SYNE2: variants seen among roughly 807,000 people sequenced by gnomAD.
SYNE2 encodes spectrin repeat containing nuclear envelope protein 2, also known as nesprin-2.
Under a neutral mutation model 856.3 loss-of-function variants are expected in SYNE2, and 431 were observed. That is an observed-to-expected ratio of 0.50 (90% CI 0.47 to 0.55). SYNE2 has a LOEUF of 0.55. Among genes scored for constraint, SYNE2 ranks in the 20% least tolerant of loss-of-function variants. SYNE2 has a pLI of 0.00. For synonymous variants in SYNE2, 2,923 were observed against 2,872.3 expected, an observed-to-expected ratio of 1.02 and a Z score of -0.56; for missense variants, 8,129 against 8,023.2, an observed-to-expected ratio of 1.01 and a Z score of -0.50.
At chr14:63,959,494 C>T (rs770618926) in intron 8 of SYNE2, among the ~76,000 whole-genome samples, 44 of 151,558 alleles carry the variant, frequency 2.9e-4, no homozygotes, top group Non-Finnish European at 5.6e-4. Flanking sequence ...GAGGGGGTTT[C>T]GCCGTGTTGG....
chr14:63,955,166 T>G (rs971274305), intron 8 of SYNE2, among the ~76,000 whole-genome samples: 1 of 152,210 alleles, frequency 6.6e-6, no homozygotes, highest in African/African-American at 2.4e-5. Flanking sequence ...TGTCTTGATT[T>G]TCTTCTATTA....
chr14:63,834,322 CCCTGCCCT>C (rs1377537349), intron 1 of SYNE2, among the ~76,000 whole-genome samples: 5 of 151,854 alleles, frequency 3.3e-5, no homozygotes, highest in African/African-American at 2.4e-5. Flanking sequence ...GAGATTGTAC[CCCTGCCCT>C]CCAGCCTGGG....
intron 101 of SYNE2, chr14:64,209,206 A>G: frequency 1.2e-6 from 1 of 850,992 alleles, no homozygotes. Context: ...TAGTGGAGGC[A>G]GCCCTGTCTC....
At position 64,220,610 on chromosome 14, in the gene SYNE2, C is replaced by T. The variant is rs200790517; in HGVS notation, c.20034C>T (p.Gly6678=). The change falls in exon 111 of 116, where the codon GGC becomes GGT. Residue 6678 remains glycine, a synonymous_variant. Coordinates refer to ENST00000555002, the MANE Select transcript of SYNE2 (RefSeq NM_182914.3). ...AQGAVDSWRG[G]LRQSLMQCQD... ...GCGCAGTGGACAGCTGGAGAGGGGGCTTACGACAGTCGCTCATGCAGTGCC... is the reference window on the plus strand; with the variant it reads ...GCGCAGTGGACAGCTGGAGAGGGGGTTTACGACAGTCGCTCATGCAGTGCC... 6.2e-7 allele frequency: 1 copy of T among 1,614,048 alleles called. No homozygotes were observed. The highest frequency in any genetic ancestry group is 8.5e-7 in the Non-Finnish European group (1 of 1,180,010).
Position 63,986,516 on chromosome 14 carries a change from G to C in SYNE2, c.2212G>C (p.Asp738His). 6.2e-7 allele frequency: 1 copy of C among 1,614,178 alleles called. No homozygotes were observed. The highest frequency in any genetic ancestry group is 1.7e-5 in the Admixed American group (1 of 60,024). The change falls in exon 19 of 116, where the codon GAT (aspartate) becomes CAT (histidine). Residue 738 changes from aspartate (D) to histidine (H), a missense_variant. Transcript: ENST00000555002. ...EFTGQLKVAK[D>H]VEKLIGQVEI... ...CACAGGGCAACTAAAAGTGGCTAAA[G>C]ATGTTGAAAAACTCATTGGACAAGT...
chr14:64,082,250 GT>G (rs1269956612), intron 57 of SYNE2, among the ~76,000 whole-genome samples: 12 of 152,064 alleles, frequency 7.9e-5, no homozygotes, highest in Admixed American at 2.6e-4. Context: ...CATTGACTAG[GT>G]TACGTTATAT....
At chr14:63,765,488 G>A (rs1886640298) in intron 1 of SYNE2, among the ~76,000 whole-genome samples, 1 of 152,130 alleles carries the variant, frequency 6.6e-6, no homozygotes, top group Non-Finnish European at 1.5e-5. Flanking sequence ...GAGTAGCTGA[G>A]ACTACAGGTG....
At chr14:64,046,214 GTC>G (rs2097185318) in intron 45 of SYNE2, among the ~76,000 whole-genome samples, 1 of 152,190 alleles carries the variant, frequency 6.6e-6, no homozygotes, top group African/African-American at 2.4e-5. Context: ...CAGATGCATT[GTC>G]TCTCTGTGTC....
At chr14:63,990,831 A>G in intron 20 of SYNE2, 111 bp from the exon 21 acceptor site, 1 of 893,100 alleles carries the variant, frequency 1.1e-6, no homozygotes, top group Non-Finnish European at 1.8e-6. Flanking sequence ...CATAATTTAG[A>G]TAGATATCTA....
intron 45 of SYNE2, among the ~76,000 whole-genome samples, chr14:64,037,284 C>T (rs370197924): frequency 1.3e-5 from 2 of 151,604 alleles, no homozygotes; most frequent in Admixed American, 6.6e-5. Flanking sequence ...TGCGGCCTTC[C>T]GCAGTGTTTG....
At chr14:64,030,600 A>AGTTTT (rs1438318144) in intron 44 of SYNE2, among the ~76,000 whole-genome samples, 1 of 152,188 alleles carries the variant, frequency 6.6e-6, no homozygotes, top group Non-Finnish European at 1.5e-5. Context: ...ATCAACACAA[A>AGTTTT]GTTTTGCTCT....
upstream of SYNE2, among the ~76,000 whole-genome samples, chr14:63,849,286 C>T (rs1006606245): frequency 2.4e-4 from 25 of 104,432 alleles, no homozygotes; most frequent in African/African-American, 6.8e-4. Flanking sequence ...TTTTTTTTTG[C>T]AGTAACATAG....
intron 54 of SYNE2, 59 bp from the exon 55 acceptor site, chr14:64,078,407 C>T: frequency 6.2e-7 from 1 of 1,606,704 alleles, no homozygotes; most frequent in Non-Finnish European, 8.5e-7. Flanking sequence ...GTTGTTCGAA[C>T]CTATGAATAA....
At chr14:63,816,030 C>T (rs1235125156) in intron 1 of SYNE2, among the ~76,000 whole-genome samples, 4 of 148,848 alleles carry the variant, frequency 2.7e-5, no homozygotes, top group African/African-American at 5.0e-5. Flanking sequence ...CTCACTGCAA[C>T]CTCTGCCTCC....
chr14:63,874,904 A>G (rs775474631), intron 1 of SYNE2, among the ~76,000 whole-genome samples: 1 of 152,190 alleles, frequency 6.6e-6, no homozygotes, highest in Non-Finnish European at 1.5e-5. Flanking sequence ...CAAAGGGGAA[A>G]AGTATTTAAA....
intron 94 of SYNE2, among the ~76,000 whole-genome samples, chr14:64,171,654 G>A (rs980102030): frequency 1.2e-4 from 19 of 152,196 alleles, no homozygotes; most frequent in Non-Finnish European, 2.8e-4. Flanking sequence ...AACAAGCTCA[G>A]CACAGAGGAA....
chr14:64,102,997 G>A (rs903491010), intron 64 of SYNE2, among the ~76,000 whole-genome samples: 1 of 152,042 alleles, frequency 6.6e-6, no homozygotes, highest in African/African-American at 2.4e-5. Flanking sequence ...CTTTTTGAAG[G>A]CTGGCTAGTA....
chr14:64,139,414 A>T (rs114053368), intron 79 of SYNE2, among the ~76,000 whole-genome samples: 13,542 of 144,616 alleles, frequency 0.094, 823 homozygotes, highest in African/African-American at 0.19. Context: ...TATTATTATT[A>T]TTTTTTTTTT....
At position 64,070,824 on chromosome 14, in the gene SYNE2, T is replaced by C. The variant is rs372199090; in HGVS notation, c.10611T>C (p.Ser3537=). The change falls in exon 52 of 116, where the codon AGT becomes AGC. Residue 3537 remains serine, a synonymous_variant. Coordinates refer to ENST00000555002, the MANE Select transcript of SYNE2 (RefSeq NM_182914.3). ...LLTLLLQRIR[S]IQNVPESSGA... The stretch of plus-strand genomic sequence containing the variant: ...CTCTACTTCTTCAGCGCATCAGAAG[T>C]ATCCAGAATGTTCCTGAAAGCTCAG... 4.3e-6 allele frequency: 7 copies of C among 1,614,188 alleles called. No individual in the cohort carries two copies. In the South Asian group the frequency reaches 7.7e-5, roughly 18 times the overall value.
Sources: allele counts gnomAD v4.1 joint callset (sites outside exome capture counted in the v4.1 genomes callset), GRCh38; gene constraint gnomAD v4.1.1; transcripts MANE v1.5; gene names NCBI Gene and HGNC (gene_info 2026-07-23, HGNC 2026-07-21).